TRIM5: variants seen among roughly 807,000 people sequenced by gnomAD.
TRIM5 encodes the protein tripartite motif-containing protein 5.
Under a neutral mutation model 35.6 loss-of-function variants are expected in TRIM5, and 31 were observed. That is an observed-to-expected ratio of 0.87 (90% CI 0.65 to 1.18). The LOEUF (loss-of-function observed/expected upper bound fraction) is 1.18, where lower values mean the gene tolerates loss of function less well. Ranked by LOEUF, TRIM5 falls within the 50% of genes most tolerant of loss-of-function variation. The pLI is 0.00. For missense variants in TRIM5, 609 were observed against 591.6 expected (o/e 1.03, Z -0.31); for synonymous variants, 243 against 215.6 (o/e 1.13, Z -1.11).
chr11:5,670,375 T>TG (rs1403745136), intron 4 of TRIM5, among the ~76,000 whole-genome samples: 6 of 151,430 alleles, frequency 4.0e-5, no homozygotes, highest in Admixed American at 2.6e-4. Flanking sequence ...TTAGTAGAGA[T>TG]GGGTTTTCAC....
chr11:5,683,153 A>G (rs12164821), intron 1 of TRIM5, among the ~76,000 whole-genome samples: 80,809 of 151,998 alleles, frequency 0.53, 21,493 homozygotes, highest in African/African-American at 0.54. Flanking sequence ...GGCAGAGCTC[A>G]GGACCTGCAG....
chr11:5,595,027 C>T, the TRIM5 span, among the ~76,000 whole-genome samples: 7 of 152,296 alleles, frequency 4.6e-5, no homozygotes, highest in East Asian at 1.3e-3. Context: ...GAGGTAGTCA[C>T]TGAAATAGTG....
chr11:5,617,546 T>C, the TRIM5 span, among the ~76,000 whole-genome samples: 7 of 137,740 alleles, frequency 5.1e-5, no homozygotes, highest in East Asian at 1.7e-3. Flanking sequence ...TGGAGTGCAA[T>C]GGCACGATCT....
chr11:5,661,657 A>G (rs560249066), downstream of TRIM5, among the ~76,000 whole-genome samples: 1 of 152,316 alleles, frequency 6.6e-6, no homozygotes, highest in South Asian at 2.1e-4. Context: ...GGGAGGGAAC[A>G]TCCTAGAACT....
chr11:5,663,004 A>T, downstream of TRIM5, among the ~76,000 whole-genome samples: 1 of 152,086 alleles, frequency 6.6e-6, no homozygotes, highest in East Asian at 1.9e-4. Context: ...GTGGTGCGTG[A>T]CTGTAGTCCC....
At chr11:5,670,243 T>C (rs1408490635) in intron 4 of TRIM5, among the ~76,000 whole-genome samples, 2 of 136,182 alleles carry the variant, frequency 1.5e-5, no homozygotes, top group African/African-American at 5.6e-5. Flanking sequence ...AGTGGTGCGA[T>C]CTCAGCTCAC....
chr11:5,602,732 T>G, the TRIM5 span, among the ~76,000 whole-genome samples: 1 of 151,524 alleles, frequency 6.6e-6, no homozygotes, highest in Non-Finnish European at 1.5e-5. Flanking sequence ...GGCAGGAGCA[T>G]CACTTAAGGT....
rs1367462448 is a variant in TRIM5, at chr11:5,679,152, A to G, written c.435T>C (p.Ala145=). 4.3e-6 allele frequency: 7 copies of G among 1,613,924 alleles called. No homozygotes were observed. The highest frequency in any genetic ancestry group is 5.9e-6 in the Non-Finnish European group (7 of 1,179,888). Residue 145 remains alanine (A), a synonymous_variant, in exon 3 of 8, where the codon GCT becomes GCC. Coordinates refer to ENST00000380034, the MANE Select transcript of TRIM5 (RefSeq NM_033034.3). ...GCTGCTTCTGCCTCAGCATCTCCAG[A>G]GCTGCCTGGAGCTTCACCTGTGAGA... ...AREYQVKLQA[A]LEMLRQKQQE...
chr11:5,614,813 T>C, the TRIM5 span, among the ~76,000 whole-genome samples: 3 of 152,170 alleles, frequency 2.0e-5, no homozygotes, highest in Admixed American at 1.3e-4. Context: ...TATTGTAATA[T>C]AACTGACATA....
chr11:5,672,537 AAT>A (rs1851655981), intron 4 of TRIM5, among the ~76,000 whole-genome samples: 1 of 152,196 alleles, frequency 6.6e-6, no homozygotes, highest in East Asian at 1.9e-4. Context: ...TCTTCCCAAA[AAT>A]AGTTTTTAAA....
the TRIM5 span, chr11:5,643,051 G>A: frequency 7.7e-7 from 1 of 1,296,894 alleles, no homozygotes. Context: ...CATGTCACTA[G>A]ATAAACCTAC....
chr11:5,632,108 C>T, the TRIM5 span: 2 of 1,145,074 alleles, frequency 1.7e-6, no homozygotes, highest in Non-Finnish European at 2.4e-6. Flanking sequence ...TAACAGCTCG[C>T]CCAGACCACT....
At chr11:5,610,847 G>T in the TRIM5 span, 3 of 1,614,056 alleles carry the variant, frequency 1.9e-6, no homozygotes, top group African/African-American at 2.7e-5. Flanking sequence ...GACAAGTGAG[G>T]TTTGTGGGAG....
At chr11:5,613,763 A>C in the TRIM5 span, among the ~76,000 whole-genome samples, 1 of 152,118 alleles carries the variant, frequency 6.6e-6, no homozygotes, top group Non-Finnish European at 1.5e-5. Flanking sequence ...TTGTCACCAG[A>C]GTTCTAGGGA....
chr11:5,638,152 T>G, the TRIM5 span, among the ~76,000 whole-genome samples: 1 of 152,354 alleles, frequency 6.6e-6, no homozygotes, highest in East Asian at 1.9e-4. Context: ...TGAATGCTTG[T>G]GGGTGACAAA....
the TRIM5 span, among the ~76,000 whole-genome samples, chr11:5,598,321 C>G: frequency 6.6e-6 from 1 of 152,212 alleles, no homozygotes; most frequent in Non-Finnish European, 1.5e-5. Context: ...CAATTTCTTT[C>G]CCAAGCCTCA....
chr11:5,616,201 T>A, the TRIM5 span, among the ~76,000 whole-genome samples: 1 of 105,864 alleles, frequency 9.4e-6, no homozygotes, highest in East Asian at 2.4e-4. Flanking sequence ...TCCACCCGCC[T>A]CGGCCTCCCA....
the TRIM5 span, chr11:5,604,779 A>C: frequency 1.4e-6 from 1 of 738,190 alleles, no homozygotes; most frequent in African/African-American, 1.8e-5. Context: ...ATTCCTTCCA[A>C]ACAGGGGGAG....
At chr11:5,651,598 G>A in the TRIM5 span, among the ~76,000 whole-genome samples, 1 of 152,144 alleles carries the variant, frequency 6.6e-6, no homozygotes, top group Non-Finnish European at 1.5e-5. Context: ...GTGCTGTGAT[G>A]AATGTACAGG....
Sources: gnomAD v4.1 joint callset for allele counts (sites outside exome capture counted in the v4.1 genomes callset) on GRCh38, gnomAD v4.1.1 for gene constraint, MANE v1.5 for transcripts, NCBI Gene and HGNC (gene_info 2026-07-23, HGNC 2026-07-21) for gene names.